The following RIN2 variants were observed in gnomAD, a reference collection of about 807,000 sequenced individuals.
RIN2 encodes the protein RAB5 interacting protein 2.
RIN2 carries 36 observed loss-of-function variants against 78.0 expected under a neutral mutation model. That is an observed-to-expected ratio of 0.46 (90% CI 0.35 to 0.61). The LOEUF is 0.61. RIN2 is among the 20% of genes least tolerant of loss of function. The pLI is 0.00. For synonymous variants in RIN2, 466 were observed against 466.8 expected (o/e 1.00, Z 0.02); for missense variants, 1,087 against 1,159.7 (o/e 0.94, Z 0.91).
intron 11 of RIN2, among the ~76,000 whole-genome samples, chr20:19,993,152 A>G (rs2042847181): frequency 6.6e-6 from 1 of 152,166 alleles, no homozygotes; most frequent in Non-Finnish European, 1.5e-5. Flanking sequence ...CTGGGACTCT[A>G]TGTGAGCTTA....
rs541613927 is a variant in RIN2 at position 19,866,634 on chromosome 20, A to AT, written c.-36-22929dup. On this transcript the variant is annotated intron_variant, in intron 2 of 12. Coordinates refer to ENST00000255006, the MANE Select transcript of RIN2 (RefSeq NM_018993.4). ...AATTTTGGATATTTTATTTTATTTT[A>AT]TTTATTTTGAGACAGAGTCTTCCTG... is the stretch of plus-strand genomic sequence containing the variant. 2.0e-4 allele frequency among the ~76,000 whole-genome samples: 30 copies of AT among 151,846 alleles called. 1 individual carries two copies. The highest frequency in any genetic ancestry group is 1.4e-3 in the Admixed American group (21 of 15,208).
chr20:19,918,352 A>C (rs1568607877), intron 3 of RIN2, among the ~76,000 whole-genome samples: 1 of 114,922 alleles, frequency 8.7e-6, no homozygotes. Flanking sequence ...ATACAAATAC[A>C]TTGTGTGTGT....
intron 2 of RIN2, among the ~76,000 whole-genome samples, chr20:19,808,382 G>A (rs1048254723): frequency 2.6e-5 from 4 of 152,260 alleles, no homozygotes; most frequent in Admixed American, 1.3e-4. Flanking sequence ...AGGATCTTGT[G>A]TAGACACAGG....
At chr20:19,839,305 T>A (rs1443682200) in intron 2 of RIN2, among the ~76,000 whole-genome samples, 1 of 152,194 alleles carries the variant, frequency 6.6e-6, no homozygotes, top group East Asian at 1.9e-4. Context: ...CTCATGGCAG[T>A]GAGAATAACT....
intron 4 of RIN2, among the ~76,000 whole-genome samples, chr20:19,936,396 G>A (rs555101668): frequency 3.6e-5 from 5 of 137,184 alleles, no homozygotes; most frequent in East Asian, 2.1e-4. Context: ...TTCAAACATC[G>A]TGGAACTTTA....
chr20:19,818,425 G>A (rs964804822), intron 2 of RIN2, among the ~76,000 whole-genome samples: 2 of 152,216 alleles, frequency 1.3e-5, no homozygotes, highest in African/African-American at 4.8e-5. Flanking sequence ...AACTGCACAT[G>A]CCTTGCCCTA....
At chr20:19,925,434 T>G (rs1419087702) in intron 3 of RIN2, among the ~76,000 whole-genome samples, 1 of 152,208 alleles carries the variant, frequency 6.6e-6, no homozygotes. Flanking sequence ...ATGGCCATAT[T>G]GAAAACTTGG....
At chr20:19,955,765 T>A (rs1467602455) in intron 4 of RIN2, among the ~76,000 whole-genome samples, 1 of 152,180 alleles carries the variant, frequency 6.6e-6, no homozygotes, top group Non-Finnish European at 1.5e-5. Flanking sequence ...TTATTATAAA[T>A]AATGTCAGTA....
At chr20:19,925,291 G>A (rs2040183758) in intron 3 of RIN2, among the ~76,000 whole-genome samples, 1 of 151,976 alleles carries the variant, frequency 6.6e-6, no homozygotes, top group South Asian at 2.1e-4. Context: ...ATGAATGAAA[G>A]GACTACAAAT....
intron 2 of RIN2, among the ~76,000 whole-genome samples, chr20:19,873,145 G>T (rs1300938880): frequency 3.4e-5 from 5 of 149,102 alleles, no homozygotes; most frequent in Non-Finnish European, 7.4e-5. Context: ...TTATTTTTGA[G>T]ACAGAGTCTT....
intron 2 of RIN2, among the ~76,000 whole-genome samples, chr20:19,844,610 TTCTTCTTCTTCTTC>T (rs2036689053): frequency 2.1e-5 from 1 of 48,414 alleles, no homozygotes; most frequent in East Asian, 1.0e-3. Context: ...CCTCTTCTTC[TTCTTCTTCTTCTTC>T]TTCTTCTTCT....
At chr20:19,873,898 G>A (rs1273985963) in intron 2 of RIN2, among the ~76,000 whole-genome samples, 1 of 152,102 alleles carries the variant, frequency 6.6e-6, no homozygotes, top group Non-Finnish European at 1.5e-5. Flanking sequence ...TAATCATGGT[G>A]CTTTTGTGGT....
At chr20:19,808,492 C>G (rs1307998342) in intron 2 of RIN2, among the ~76,000 whole-genome samples, 1 of 152,234 alleles carries the variant, frequency 6.6e-6, no homozygotes, top group Non-Finnish European at 1.5e-5. Flanking sequence ...TTTCCACTCC[C>G]CGAAGGCCCT....
At chr20:19,802,702 C>G (rs898666120) in intron 2 of RIN2, among the ~76,000 whole-genome samples, 4 of 152,086 alleles carry the variant, frequency 2.6e-5, no homozygotes, top group African/African-American at 7.2e-5. Context: ...AACTGAGTGA[C>G]CCATCCCCTT....
chr20:19,911,584 T>C (rs2039468157), intron 3 of RIN2, among the ~76,000 whole-genome samples: 1 of 152,200 alleles, frequency 6.6e-6, no homozygotes, highest in African/African-American at 2.4e-5. Context: ...AACACTAATA[T>C]AACACTCCTC....
At chr20:19,942,563 G>T (rs188712345) in intron 4 of RIN2, among the ~76,000 whole-genome samples, 283 of 152,228 alleles carry the variant, frequency 1.9e-3, no homozygotes, top group Admixed American at 3.1e-3. Flanking sequence ...CCCACTCCAA[G>T]ATAGAATCAT....
chr20:19,980,967 C>A (rs1433194621), intron 9 of RIN2, among the ~76,000 whole-genome samples: 1 of 152,206 alleles, frequency 6.6e-6, no homozygotes, highest in Non-Finnish European at 1.5e-5. Flanking sequence ...AGAGTCAAAG[C>A]GTATGAATTA....
intron 4 of RIN2, among the ~76,000 whole-genome samples, chr20:19,939,962 T>C (rs2040800276): frequency 6.6e-6 from 1 of 152,080 alleles, no homozygotes; most frequent in South Asian, 2.1e-4. Flanking sequence ...CAAGCAATTC[T>C]TATGCCTCCA....
At chr20:19,892,314 T>C (rs950897559) in intron 3 of RIN2, among the ~76,000 whole-genome samples, 1 of 152,174 alleles carries the variant, frequency 6.6e-6, no homozygotes, top group Non-Finnish European at 1.5e-5. Context: ...CCTCCCGGGT[T>C]CAAGCGATTC....
Sources: allele counts gnomAD v4.1 joint callset (sites outside exome capture counted in the v4.1 genomes callset), GRCh38; gene constraint gnomAD v4.1.1; transcripts MANE v1.5; gene names NCBI Gene and HGNC (gene_info 2026-07-23, HGNC 2026-07-21).